The following CDS2 variants were observed in gnomAD, a reference collection of about 807,000 sequenced individuals.
The protein encoded by CDS2 is CDP-diacylglycerol synthase 2, also known as phosphatidate cytidylyltransferase 2.
A neutral mutation model predicts 59.0 loss-of-function variants in CDS2; 47 were observed. That is an observed-to-expected ratio of 0.80 (90% CI 0.63 to 1.02). CDS2 has a LOEUF of 1.02. CDS2 is among the 50% of genes least tolerant of loss of function. The pLI, the probability that CDS2 is intolerant of heterozygous loss-of-function variation, is 0.00. For synonymous variants in CDS2, 207 were observed against 206.4 expected (o/e 1.00, Z -0.02); for missense variants, 356 against 558.9 (o/e 0.64, Z 3.66).
In CDS2 at chr20:5,186,663, G is replaced by A. The variant is rs56675931; in HGVS notation, c.829-24G>A. On this transcript the variant is annotated intron_variant, in intron 9 of 12. Coordinates refer to ENST00000460006, the MANE Select transcript of CDS2 (RefSeq NM_003818.4). ...GATGGTTGGAACTTACTTCCTTGCCGGTCTCTCTGTTATTCCTCCTCAGCT... is the reference window on the plus strand; with the variant it reads ...GATGGTTGGAACTTACTTCCTTGCCAGTCTCTCTGTTATTCCTCCTCAGCT... The A allele has an allele frequency of 9.0e-5, 145 of 1,611,586 alleles. 2 individuals are homozygous for A. The Middle Eastern group carries it at 9.9e-4, about 11-fold the overall frequency.
intron 1 of CDS2, among the ~76,000 whole-genome samples, chr20:5,166,753 T>A (rs966832030): frequency 6.6e-6 from 1 of 152,202 alleles, no homozygotes; most frequent in Non-Finnish European, 1.5e-5. Flanking sequence ...ACTGAGTCCC[T>A]GCTGGGTTTC....
chr20:5,188,153 C>CACGGT (rs1276388995), intron 10 of CDS2, among the ~76,000 whole-genome samples: 1 of 151,916 alleles, frequency 6.6e-6, no homozygotes, highest in African/African-American at 2.4e-5. Context: ...GGAAGATTTA[C>CACGGT]ATAACTCAGT....
chr20:5,131,211 T>A (rs2090605306), intron 1 of CDS2, among the ~76,000 whole-genome samples: 2 of 152,114 alleles, frequency 1.3e-5, no homozygotes, highest in South Asian at 4.1e-4. Flanking sequence ...ATCAAAATAA[T>A]CTGGAGCATG....
intron 1 of CDS2, among the ~76,000 whole-genome samples, chr20:5,147,998 G>T (rs564229367): frequency 2.6e-5 from 4 of 151,882 alleles, no homozygotes; most frequent in Admixed American, 6.6e-5. Flanking sequence ...TCACTCTGTC[G>T]GCCAGGCTGG....
chr20:5,174,550 C>T (rs1600504942), intron 2 of CDS2, among the ~76,000 whole-genome samples: 1 of 152,004 alleles, frequency 6.6e-6, no homozygotes, highest in South Asian at 2.1e-4. Context: ...TGGTGAAACC[C>T]CGTCTCTACT....
Position 5,159,038 on chromosome 20 carries a change from C to T in CDS2, c.58-14485C>T, listed in dbSNP as rs150905083. 3.1e-3 allele frequency among the ~76,000 whole-genome samples: 479 copies of T among 152,150 alleles called. 2 individuals are homozygous for T. The highest frequency in any genetic ancestry group is 5.4e-3 in the Non-Finnish European group (367 of 68,000). On this transcript the variant is annotated intron_variant, in intron 1 of 12. Coordinates refer to ENST00000460006, the MANE Select transcript of CDS2 (RefSeq NM_003818.4). Reference sequence around the variant, plus strand: ...CGATGGAACAGAAGGATAAGCGAGCCGCTTTGAAAATCAGATTGAATTTTT... The same window carrying T: ...CGATGGAACAGAAGGATAAGCGAGCTGCTTTGAAAATCAGATTGAATTTTT...
At chr20:5,137,314 G>A (rs2090656779) in intron 1 of CDS2, among the ~76,000 whole-genome samples, 1 of 150,886 alleles carries the variant, frequency 6.6e-6, no homozygotes, top group Admixed American at 6.6e-5. Flanking sequence ...CGTGATCTCG[G>A]CTCACTGCAG....
At chr20:5,179,178 G>A (rs1252185248) in intron 5 of CDS2, among the ~76,000 whole-genome samples, 1 of 148,304 alleles carries the variant, frequency 6.7e-6, no homozygotes, top group Non-Finnish European at 1.5e-5. Context: ...CCAGAGTGCA[G>A]TGGCACCATC....
chr20:5,151,781 T>TTTGGG, intron 1 of CDS2, among the ~76,000 whole-genome samples: 1 of 121,970 alleles, frequency 8.2e-6, no homozygotes, highest in Non-Finnish European at 1.6e-5. Context: ...TTTTTTTTTT[T>TTTGGG]GAGACGGAGT....
intron 6 of CDS2, 28 bp from the exon 7 acceptor site, chr20:5,183,033 G>A: frequency 6.3e-7 from 1 of 1,584,438 alleles, no homozygotes; most frequent in African/African-American, 1.3e-5. Context: ...AAACTGGTAA[G>A]TAGTGTTTAT....
chr20:5,133,618 C>G (rs2090625502), intron 1 of CDS2, among the ~76,000 whole-genome samples: 1 of 152,182 alleles, frequency 6.6e-6, no homozygotes, highest in African/African-American at 2.4e-5. Flanking sequence ...ACCTCTGCCT[C>G]CTGGGTTCAA....
At chr20:5,170,578 C>T (rs1278088627) in intron 1 of CDS2, among the ~76,000 whole-genome samples, 1 of 152,230 alleles carries the variant, frequency 6.6e-6, no homozygotes, top group Non-Finnish European at 1.5e-5. Context: ...AGTTTCCCCG[C>T]TCACAGGGAT....
chr20:5,146,594 A>G (rs1466877662), intron 1 of CDS2, among the ~76,000 whole-genome samples: 3 of 152,220 alleles, frequency 2.0e-5, no homozygotes, highest in African/African-American at 7.2e-5. Flanking sequence ...TTTATAAAAT[A>G]CATTTGCTAT....
chr20:5,147,568 C>T (rs1298392912), intron 1 of CDS2, among the ~76,000 whole-genome samples: 1 of 152,066 alleles, frequency 6.6e-6, no homozygotes, highest in Non-Finnish European at 1.5e-5. Context: ...TATGTCCAGG[C>T]CCACTTCTTT....
intron 5 of CDS2, among the ~76,000 whole-genome samples, chr20:5,181,620 G>A (rs1194425546): frequency 2.0e-5 from 3 of 152,160 alleles, no homozygotes; most frequent in African/African-American, 7.2e-5. Flanking sequence ...GTCATGCATC[G>A]TTTAACCATG....
chr20:5,167,635 ACTTATTAAGGATG>A (rs1365191818), intron 1 of CDS2, among the ~76,000 whole-genome samples: 65 of 152,278 alleles, frequency 4.3e-4, no homozygotes, highest in South Asian at 2.1e-4. Flanking sequence ...AGTCCCTGAC[ACTTATTAAGGATG>A]CTTATTAAGG....
intron 1 of CDS2, among the ~76,000 whole-genome samples, chr20:5,145,054 G>A (rs1366550616): frequency 6.6e-6 from 1 of 152,184 alleles, no homozygotes; most frequent in Non-Finnish European, 1.5e-5. Flanking sequence ...ACAGGATGGA[G>A]TAGGGCAGAA....
intron 1 of CDS2, among the ~76,000 whole-genome samples, chr20:5,147,556 A>T (rs1407706666): frequency 6.6e-6 from 1 of 152,120 alleles, no homozygotes; most frequent in Non-Finnish European, 1.5e-5. Context: ...GTAGCTCTCA[A>T]GTATGTCCAG....
At chr20:5,159,308 T>C (rs1252522114) in intron 1 of CDS2, among the ~76,000 whole-genome samples, 1 of 105,836 alleles carries the variant, frequency 9.4e-6, no homozygotes, top group African/African-American at 4.2e-5. Context: ...GTATTTCTCC[T>C]AATGCTTTCC....
Sources: gnomAD v4.1 joint callset for allele counts (sites outside exome capture counted in the v4.1 genomes callset) on GRCh38, gnomAD v4.1.1 for gene constraint, MANE v1.5 for transcripts, NCBI Gene and HGNC (gene_info 2026-07-23, HGNC 2026-07-21) for gene names.